Variants in ANK3 observed in about 807,000 individuals in gnomAD.
ANK3 encodes ankyrin-3.
In ANK3, 57 loss-of-function variants were observed where a neutral mutation model predicts 370.9. The ratio of observed to expected loss-of-function variants is 0.15; its 90% CI spans 0.12 to 0.19. ANK3 has a LOEUF of 0.19. Among genes scored for constraint, ANK3 ranks in the 10% least tolerant of loss-of-function variants. The pLI is 1.00. For synonymous variants in ANK3, 1,929 were observed against 1,946.3 expected, an observed-to-expected ratio of 0.99 and a Z score of 0.23; for missense variants, 4,439 against 5,302.1, an observed-to-expected ratio of 0.84 and a Z score of 5.06.
In ANK3 at chr10:60,469,222, CATAT is replaced by C. The variant is rs200328744; in HGVS notation, c.96+145960_96+145963del. Among the ~76,000 whole-genome samples, 91 of 10,512 alleles carry C rather than the reference CATAT, an allele frequency of 8.7e-3. 20 individuals are homozygous for C. Among genetic ancestry groups the C allele is most frequent in the South Asian group, 0.027 (4 of 148 alleles). 6.9% of individuals were successfully genotyped at this position (10,512 alleles called of 152,430 possible). A position where few individuals can be genotyped will look rare whatever the true frequency, so the allele number is the denominator to read the frequency against. On this transcript the variant is annotated intron_variant, in intron 2 of 43. Transcript: ENST00000373827. ...GTATATATATATACCACTTTTAGTG[CATAT>C]ATATATATATATACCACTTTTAGTG...
Position 60,415,156 on chromosome 10 carries a change from A to G in ANK3, c.97-135517T>C, listed in dbSNP as rs537259642. On this transcript the variant is annotated intron_variant, in intron 2 of 43. Coordinates refer to the ANK3 transcript ENST00000373827. ...CACCTGCAGCAAGGCCAGAGGGCAC[A>G]GGTGTTTCTTGTGATCAGCTGTGGG... 2.0e-5 allele frequency among the ~76,000 whole-genome samples: 3 copies of G among 152,276 alleles called. No individual in the cohort carries two copies. The South Asian group carries it at 6.2e-4, about 32-fold the overall frequency.
At chr10:60,623,165 T>C (rs1432874037) in intron 1 of ANK3, among the ~76,000 whole-genome samples, 1 of 152,146 alleles carries the variant, frequency 6.6e-6, no homozygotes, top group African/African-American at 2.4e-5. Flanking sequence ...TCAGGCATGA[T>C]CTTGGCTTTT....
chr10:60,105,879 C>T (rs776099102), intron 28 of ANK3, 26 bp downstream of exon 28: 12 of 1,569,668 alleles, frequency 7.6e-6, no homozygotes, highest in Admixed American at 2.0e-5. Context: ...CAGACATTTA[C>T]AGAACCAAGG....
intron 8 of ANK3, among the ~76,000 whole-genome samples, chr10:60,233,209 C>T (rs2097274718): frequency 6.6e-6 from 1 of 152,132 alleles, no homozygotes; most frequent in South Asian, 2.1e-4. Context: ...TTGATCTTTG[C>T]AACAACCCTA....
chr10:60,378,749 A>C (rs927309410), intron 1 of ANK3, among the ~76,000 whole-genome samples: 1 of 152,106 alleles, frequency 6.6e-6, no homozygotes, highest in Non-Finnish European at 1.5e-5. Context: ...TGATAAAACT[A>C]CTAGAAGAAA....
At chr10:60,572,687 G>T in intron 2 of ANK3, 1 of 1,427,502 alleles carries the variant, frequency 7.0e-7, no homozygotes, top group Non-Finnish European at 9.1e-7. Flanking sequence ...GCTGCTGTCA[G>T]AGAGACGCGG....
chr10:60,720,503 C>T (rs2079848849), intron 1 of ANK3, among the ~76,000 whole-genome samples: 1 of 152,136 alleles, frequency 6.6e-6, no homozygotes, highest in South Asian at 2.1e-4. Flanking sequence ...GTAGGTTTTG[C>T]AATTAAAAGT....
intron 2 of ANK3, among the ~76,000 whole-genome samples, chr10:60,550,265 G>T (rs1273441000): frequency 6.6e-6 from 1 of 151,636 alleles, no homozygotes; most frequent in Non-Finnish European, 1.5e-5. Flanking sequence ...ATATCCATGT[G>T]TCTTAGGGAT....
chr10:60,471,453 T>G (rs979777645), intron 2 of ANK3, among the ~76,000 whole-genome samples: 3 of 152,130 alleles, frequency 2.0e-5, no homozygotes, highest in Non-Finnish European at 4.4e-5. Context: ...TGCAGATATA[T>G]TTACACTTAT....
intron 25 of ANK3, among the ~76,000 whole-genome samples, chr10:60,129,647 G>A (rs1220082237): frequency 1.3e-5 from 2 of 152,140 alleles, no homozygotes; most frequent in Non-Finnish European, 2.9e-5. Context: ...CAGCTACTAG[G>A]GAGGCTGAGG....
intron 2 of ANK3, among the ~76,000 whole-genome samples, chr10:60,443,570 C>T (rs138901824): frequency 1.3e-5 from 2 of 152,098 alleles, no homozygotes; most frequent in East Asian, 1.9e-4. Context: ...GAACCCCCGG[C>T]GTGACCCATT....
At chr10:60,405,480 T>G (rs1313578547) in intron 2 of ANK3, among the ~76,000 whole-genome samples, 1 of 152,136 alleles carries the variant, frequency 6.6e-6, no homozygotes, top group African/African-American at 2.4e-5. Context: ...AGAGGTTGCT[T>G]CTGGGAGTGG....
At chr10:60,595,293 A>T (rs138650149) in intron 2 of ANK3, among the ~76,000 whole-genome samples, 81 of 152,262 alleles carry the variant, frequency 5.3e-4, no homozygotes, top group African/African-American at 1.9e-3. Flanking sequence ...TTACTACTCA[A>T]ATCAGCTTCC....
At chr10:60,058,869 C>T (rs1373180529) in intron 41 of ANK3, among the ~76,000 whole-genome samples, 1 of 152,178 alleles carries the variant, frequency 6.6e-6, no homozygotes, top group African/African-American at 2.4e-5. Flanking sequence ...GTTCTCCTGC[C>T]TCAGCCTCCT....
At chr10:60,425,375 C>T (rs1407461117) in intron 2 of ANK3, among the ~76,000 whole-genome samples, 3 of 152,056 alleles carry the variant, frequency 2.0e-5, no homozygotes. Flanking sequence ...AATAAGTATT[C>T]GGAAGAAATA....
At chr10:60,046,434 A>T (rs1410049539) in intron 42 of ANK3, among the ~76,000 whole-genome samples, 1 of 152,218 alleles carries the variant, frequency 6.6e-6, no homozygotes, top group Admixed American at 6.5e-5. Context: ...TTGGGCAGGT[A>T]CTGAATGAAT....
At chr10:60,715,268 C>T (rs1017102740) in intron 1 of ANK3, among the ~76,000 whole-genome samples, 2 of 146,606 alleles carry the variant, frequency 1.4e-5, no homozygotes, top group Non-Finnish European at 3.0e-5. Flanking sequence ...TTGTAAAGTT[C>T]GTGAAAGCAA....
At chr10:60,240,185 CAT>C (rs1165305781) in intron 7 of ANK3, among the ~76,000 whole-genome samples, 174 of 134,662 alleles carry the variant, frequency 1.3e-3, no homozygotes, top group African/African-American at 4.4e-3. Flanking sequence ...CATATATACA[CAT>C]ATATATACAC....
At chr10:60,225,446 C>G (rs2097125203) in intron 8 of ANK3, among the ~76,000 whole-genome samples, 1 of 152,088 alleles carries the variant, frequency 6.6e-6, no homozygotes, top group Non-Finnish European at 1.5e-5. Context: ...GATTCATATA[C>G]CTACTCAAGG....
Sources: gnomAD v4.1 joint callset for allele counts (sites outside exome capture counted in the v4.1 genomes callset) on GRCh38, gnomAD v4.1.1 for gene constraint, MANE v1.5 for transcripts, NCBI Gene and HGNC (gene_info 2026-07-23, HGNC 2026-07-21) for gene names.